The following FARP2 variants were observed in gnomAD, a reference collection of about 807,000 sequenced individuals.
FARP2 encodes the protein FERM, ARHGEF and pleckstrin domain-containing protein 2.
A neutral mutation model predicts 130.5 loss-of-function variants in FARP2; 111 were observed. That is an observed-to-expected ratio of 0.85 (90% CI 0.73 to 1.00). FARP2 has a LOEUF of 1.00. FARP2 is among the 50% of genes least tolerant of loss of function. The pLI is 0.00. For synonymous variants in FARP2, 504 were observed against 516.9 expected, an observed-to-expected ratio of 0.98 and a Z score of 0.34; for missense variants, 1,385 against 1,346.3, an observed-to-expected ratio of 1.03 and a Z score of -0.45.
intron 2 of FARP2, among the ~76,000 whole-genome samples, chr2:241,398,090 C>G (rs940035220): frequency 5.9e-5 from 9 of 152,152 alleles, no homozygotes; most frequent in Non-Finnish European, 1.3e-4. Flanking sequence ...CTCGGCCTCC[C>G]AAAGTGCTGG....
intron 2 of FARP2, among the ~76,000 whole-genome samples, chr2:241,400,178 G>A (rs925057076): frequency 7.9e-5 from 12 of 152,128 alleles, no homozygotes; most frequent in East Asian, 1.9e-4. Flanking sequence ...CAGGTAGGAC[G>A]GGGAACCCTG....
intron 1 of FARP2, among the ~76,000 whole-genome samples, chr2:241,370,047 G>A (rs1012785458): frequency 2.0e-5 from 3 of 152,076 alleles, no homozygotes; most frequent in African/African-American, 7.2e-5. Context: ...AGTAGGGGGT[G>A]GGAAATTAAG....
chr2:241,436,205 G>A (rs775695805), intron 11 of FARP2, among the ~76,000 whole-genome samples: 2 of 151,986 alleles, frequency 1.3e-5, no homozygotes, highest in South Asian at 2.1e-4. Flanking sequence ...CACTGCGCCC[G>A]GCCTATAGTA....
chr2:241,451,221 A>G (rs909101480), intron 13 of FARP2, among the ~76,000 whole-genome samples: 2 of 152,072 alleles, frequency 1.3e-5, no homozygotes, highest in Non-Finnish European at 2.9e-5. Flanking sequence ...TAATCCACCC[A>G]CTTCGACCTT....
intron 1 of FARP2, among the ~76,000 whole-genome samples, chr2:241,357,182 A>C (rs1340115901): frequency 6.6e-6 from 1 of 152,266 alleles, no homozygotes; most frequent in Non-Finnish European, 1.5e-5. Context: ...GGGCAAATTT[A>C]AAACCCAAGG....
rs747727028 is a variant in FARP2, at chr2:241,436,501, C to T, written c.1121C>T (p.Thr374Met). 2.2e-5 allele frequency: 35 copies of T among 1,614,096 alleles called. No individual in the cohort carries two copies. Among genetic ancestry groups the T allele is most frequent in the South Asian group, 3.3e-5 (3 of 91,088 alleles). Residue 374 changes from threonine to methionine, a missense_variant, in exon 12 of 27, where the codon ACG becomes ATG. Thr to Met is a moderately conservative substitution (Grantham distance 81, BLOSUM62 -1). Transcript: ENST00000264042. The stretch of plus-strand genomic sequence containing the variant: ...TGCAGAAGGCACAGCAAGACCCACA[C>T]GTCCGTTCGAGCTCTGACTGCAGAC... ...PYERRHSKTH[T>M]SVRALTADLP...
At chr2:241,491,795 G>T (rs1204478445) in intron 24 of FARP2, 116 bp downstream of exon 24, 4 of 1,002,520 alleles carry the variant, frequency 4.0e-6, no homozygotes, top group Non-Finnish European at 5.7e-6. Flanking sequence ...GGCCCCAGAG[G>T]ACTGCCTCTT....
intron 1 of FARP2, among the ~76,000 whole-genome samples, chr2:241,369,350 A>G (rs2061377283): frequency 1.3e-5 from 2 of 152,128 alleles, no homozygotes; most frequent in African/African-American, 4.8e-5. Context: ...TAAAATGAAC[A>G]CTGTCCAGAT....
chr2:241,381,110 TC>T (rs1388464260), intron 2 of FARP2, among the ~76,000 whole-genome samples: 1 of 152,172 alleles, frequency 6.6e-6, no homozygotes, highest in Non-Finnish European at 1.5e-5. Flanking sequence ...CCGCTGGTGT[TC>T]TGCCAGTCTC....
Position 241,463,909 on chromosome 2 carries a change from TC to T in FARP2, c.1824del (p.Ala610ProfsTer21), listed in dbSNP as rs2150476307. On this transcript the variant is annotated frameshift_variant, in exon 17 of 27. Coordinates refer to ENST00000264042, the MANE Select transcript of FARP2 (RefSeq NM_014808.4). LOFTEE classifies it high-confidence loss of function. ...EQRLALWEGP[S>X]KAHTKGSHQR... ...TTTCTTTTTACTCAGGGAAGGGCCC[TC>T]CAAAGCCCACACAAAAGGCAGTCAT... is the stretch of plus-strand genomic sequence containing the variant. 1 of 1,613,794 alleles carries T rather than the reference TC, an allele frequency of 6.2e-7. No individual in the cohort carries two copies. The highest frequency in any genetic ancestry group is 1.3e-5 in the African/African-American group (1 of 75,008).
chr2:241,438,579 A>G lies in FARP2; in HGVS notation c.1158+2041A>G, dbSNP rs538731967. Among the ~76,000 whole-genome samples, 3 of 151,236 alleles carry G rather than the reference A, an allele frequency of 2.0e-5. No individual in the cohort carries two copies. In the South Asian group the frequency reaches 6.3e-4, roughly 32 times the overall value. On this transcript the variant is annotated intron_variant, in intron 12 of 26. Transcript: ENST00000264042. ...CAAAAAGTAAAGCTCATGGTATCCCAGGTTTTTTCATGGGTACATGAAAAC... is the reference window on the plus strand; with the variant it reads ...CAAAAAGTAAAGCTCATGGTATCCCGGGTTTTTTCATGGGTACATGAAAAC...
At chr2:241,463,189 T>A in intron 15 of FARP2, 146 bp from the exon 16 acceptor site, 1 of 693,736 alleles carries the variant, frequency 1.4e-6, no homozygotes, top group East Asian at 2.8e-5. Context: ...ACAAAGAGGA[T>A]GGCTGTAGTG....
intron 2 of FARP2, among the ~76,000 whole-genome samples, chr2:241,398,445 T>C (rs2062083264): frequency 6.6e-6 from 1 of 152,252 alleles, no homozygotes; most frequent in South Asian, 2.1e-4. Context: ...TGTGGTTTGC[T>C]TGTTTGTTCG....
At chr2:241,477,914 T>G (rs1030052469) in intron 19 of FARP2, 2 of 152,942 alleles carry the variant, frequency 1.3e-5, no homozygotes, top group African/African-American at 4.8e-5. Flanking sequence ...TCAGAAATTG[T>G]AAAGAACTCT....
intron 24 of FARP2, 185 bp from the exon 25 acceptor site, chr2:241,492,744 T>G (rs2064971928): frequency 1.8e-6 from 1 of 560,406 alleles, no homozygotes. Flanking sequence ...AATGTCACTC[T>G]AGGTTTTTAA....
At chr2:241,426,776 A>T (rs2062949538) in intron 8 of FARP2, among the ~76,000 whole-genome samples, 4 of 152,178 alleles carry the variant, frequency 2.6e-5, no homozygotes, top group Admixed American at 2.6e-4. Flanking sequence ...TCCACAGCTA[A>T]CTGTGCAGGT....
intron 17 of FARP2, among the ~76,000 whole-genome samples, chr2:241,464,844 T>C (rs2064127475): frequency 6.6e-6 from 1 of 151,976 alleles, no homozygotes; most frequent in South Asian, 2.1e-4. Flanking sequence ...CAGAATCTTG[T>C]TTCCCTCAGA....
At chr2:241,480,247 CT>C (rs2064580850) in intron 19 of FARP2, among the ~76,000 whole-genome samples, 1 of 152,220 alleles carries the variant, frequency 6.6e-6, no homozygotes, top group Non-Finnish European at 1.5e-5. Context: ...TTGCCTAGGC[CT>C]CATCTTCTTC....
At chr2:241,365,518 AT>A (rs1277240465) in intron 1 of FARP2, among the ~76,000 whole-genome samples, 10 of 152,198 alleles carry the variant, frequency 6.6e-5, no homozygotes, top group African/African-American at 2.4e-4. Flanking sequence ...ATGAGGTCCT[AT>A]ATATAGCATT....
Sources: gnomAD v4.1 joint callset for allele counts (sites outside exome capture counted in the v4.1 genomes callset) on GRCh38, gnomAD v4.1.1 for gene constraint, MANE v1.5 for transcripts, NCBI Gene and HGNC (gene_info 2026-07-23, HGNC 2026-07-21) for gene names.